ENOX2: variants seen among roughly 807,000 people sequenced by gnomAD.
ENOX2 encodes ecto-NOX disulfide-thiol exchanger 2.
A neutral mutation model predicts 45.0 loss-of-function variants in ENOX2; 36 were observed. That is an observed-to-expected ratio of 0.80 (90% CI 0.61 to 1.06). The LOEUF (loss-of-function observed/expected upper bound fraction) is 1.06, where lower values mean the gene tolerates loss of function less well. Among genes scored for constraint, ENOX2 ranks in the 50% least tolerant of loss-of-function variants. The probability of loss-of-function intolerance (pLI) is 0.00; values close to 1 mark genes in which losing one functional copy is unlikely to be tolerated. For synonymous variants in ENOX2, 174 were observed against 152.3 expected (o/e 1.14, Z -1.05); for missense variants, 423 against 462.5 (o/e 0.91, Z 0.78).
intron 10 of ENOX2, among the ~76,000 whole-genome samples, chrX:130,638,314 C>T (rs2035988931): frequency 9.1e-6 from 1 of 109,936 alleles, no homozygotes; most frequent in Non-Finnish European, 1.9e-5. Context: ...GATCCGCCTG[C>T]CTCAGCCTCC....
intron 10 of ENOX2, among the ~76,000 whole-genome samples, chrX:130,653,234 C>G (rs1483874637): frequency 8.9e-6 from 1 of 111,854 alleles, no homozygotes; most frequent in African/African-American, 3.2e-5. Flanking sequence ...TCACTCCGGT[C>G]CCACCCTTCA....
At chrX:130,743,053 A>G (rs2039021886) in intron 3 of ENOX2, among the ~76,000 whole-genome samples, 1 of 112,182 alleles carries the variant, frequency 8.9e-6, no homozygotes, top group Non-Finnish European at 1.9e-5. Flanking sequence ...AAGACAGTGA[A>G]TATTGCTACT....
chrX:130,843,281 G>A (rs761562760), intron 2 of ENOX2, among the ~76,000 whole-genome samples: 8 of 110,748 alleles, frequency 7.2e-5, no homozygotes, highest in Non-Finnish European at 1.5e-4. Context: ...TCCAGTAACC[G>A]AGCCCTACGG....
At chrX:130,770,006 C>T (rs2039701868) in intron 3 of ENOX2, among the ~76,000 whole-genome samples, 1 of 112,281 alleles carries the variant, frequency 8.9e-6, no homozygotes, top group South Asian at 3.7e-4. Flanking sequence ...AGAGCTCATT[C>T]TGTGTAATCA....
chrX:130,813,260 C>T (rs968859759), intron 2 of ENOX2, among the ~76,000 whole-genome samples: 24 of 112,071 alleles, frequency 2.1e-4, no homozygotes, highest in Middle Eastern at 4.6e-3. Context: ...TTTCAACAAA[C>T]GTGCCAAGAA....
chrX:130,839,175 T>G (rs185256102), intron 2 of ENOX2, among the ~76,000 whole-genome samples: 83 of 112,130 alleles, frequency 7.4e-4, no homozygotes, highest in Non-Finnish European at 1.5e-3. Flanking sequence ...AATATTGGAG[T>G]TCAGTTTTCA....
chrX:130,901,466 G>C (rs2079142494), intron 2 of ENOX2, among the ~76,000 whole-genome samples: 1 of 112,780 alleles, frequency 8.9e-6, no homozygotes, highest in Admixed American at 9.3e-5. Context: ...AGGACATTAT[G>C]TGGGTTCAAT....
intron 3 of ENOX2, among the ~76,000 whole-genome samples, chrX:130,764,489 G>A (rs1404812538): frequency 9.4e-6 from 1 of 106,837 alleles, no homozygotes; most frequent in Non-Finnish European, 1.9e-5. Flanking sequence ...TCCTAAAAAG[G>A]TATAGTACAG....
At chrX:130,884,621 T>C (rs1471885789) in intron 2 of ENOX2, among the ~76,000 whole-genome samples, 1 of 111,615 alleles carries the variant, frequency 9.0e-6, no homozygotes, top group Non-Finnish European at 1.9e-5. Context: ...TTAAATAGTA[T>C]TCCTTTCTTC....
intron 5 of ENOX2, among the ~76,000 whole-genome samples, chrX:130,682,705 A>C (rs2037344320): frequency 9.1e-6 from 1 of 110,104 alleles, no homozygotes; most frequent in African/African-American, 3.3e-5. Context: ...AAAGCCACTA[A>C]GAGTAATGTC....
chrX:130,878,507 T>A (rs2078748639), intron 2 of ENOX2, among the ~76,000 whole-genome samples: 1 of 111,503 alleles, frequency 9.0e-6, no homozygotes, highest in Non-Finnish European at 1.9e-5. Flanking sequence ...TGCTCTTTAT[T>A]GCTCACTCCA....
intron 2 of ENOX2, among the ~76,000 whole-genome samples, chrX:130,818,276 C>T (rs949121674): frequency 1.8e-5 from 2 of 111,712 alleles, no homozygotes; most frequent in African/African-American, 3.3e-5. Flanking sequence ...AAAAACATCC[C>T]GTGCTCATGG....
intron 4 of ENOX2, among the ~76,000 whole-genome samples, chrX:130,691,032 C>T (rs1185207182): frequency 9.0e-6 from 1 of 111,126 alleles, no homozygotes; most frequent in Non-Finnish European, 1.9e-5. Context: ...CACACACACA[C>T]ACACATACAC....
intron 3 of ENOX2, among the ~76,000 whole-genome samples, chrX:130,744,557 T>C (rs769389463): frequency 8.9e-6 from 1 of 112,427 alleles, no homozygotes; most frequent in African/African-American, 3.2e-5. Flanking sequence ...CATGAGAAAA[T>C]AGCATATGCT....
At chrX:130,810,216 C>G (rs889889176) in intron 2 of ENOX2, among the ~76,000 whole-genome samples, 2 of 110,726 alleles carry the variant, frequency 1.8e-5, no homozygotes, top group Non-Finnish European at 3.8e-5. Context: ...GGGCAGGCTC[C>G]CATGGACCCA....
At chrX:130,751,427 T>C (rs778386812) in intron 3 of ENOX2, among the ~76,000 whole-genome samples, 7 of 112,365 alleles carry the variant, frequency 6.2e-5, no homozygotes, top group Non-Finnish European at 1.1e-4. Context: ...GATATATCAC[T>C]ATTTGTTTAT....
chrX:130,697,773 C>G (rs1348405309), intron 4 of ENOX2, among the ~76,000 whole-genome samples: 1 of 111,865 alleles, frequency 8.9e-6, no homozygotes, highest in Non-Finnish European at 1.9e-5. Context: ...CATGGGGAGT[C>G]TTTTCCTTTT....
At chrX:130,712,674 T>C (rs943031659) in intron 3 of ENOX2, among the ~76,000 whole-genome samples, 2 of 111,757 alleles carry the variant, frequency 1.8e-5, no homozygotes, top group East Asian at 2.8e-4. Context: ...GGATGCAAGA[T>C]GCTGGAAGTA....
At chrX:130,762,399 C>A (rs2039513903) in intron 3 of ENOX2, among the ~76,000 whole-genome samples, 1 of 111,715 alleles carries the variant, frequency 9.0e-6, no homozygotes, top group Non-Finnish European at 1.9e-5. Context: ...GGTAACATAG[C>A]AAGACCCTGT....
Sources: allele counts gnomAD v4.1 joint callset (sites outside exome capture counted in the v4.1 genomes callset), GRCh38; gene constraint gnomAD v4.1.1; transcripts MANE v1.5; gene names NCBI Gene and HGNC (gene_info 2026-07-23, HGNC 2026-07-21).